The following C6 variants were observed in gnomAD, a reference collection of about 807,000 sequenced individuals.
C6 encodes complement component C6.
Under a neutral mutation model 112.9 loss-of-function variants are expected in C6, and 101 were observed. The observed-to-expected ratio is 0.89, with a 90% CI of 0.76 to 1.06. The LOEUF (loss-of-function observed/expected upper bound fraction) is 1.06. C6 is among the 50% of genes least tolerant of loss of function. C6 has a pLI of 0.00. For missense variants in C6, 1,202 were observed against 1,104.6 expected (o/e 1.09, Z -1.25); for synonymous variants, 431 against 384.1 (o/e 1.12, Z -1.43).
At chr5:41,239,111 CTTTT>C (rs34322889) in intron 1 of C6, among the ~76,000 whole-genome samples, 1 of 121,674 alleles carries the variant, frequency 8.2e-6, no homozygotes, top group Non-Finnish European at 1.7e-5. Flanking sequence ...TCTTTTCTTT[CTTTT>C]TTTTTTTTTT....
chr5:41,191,451 A>T (rs11951782), intron 5 of C6, among the ~76,000 whole-genome samples: 133,872 of 152,250 alleles, frequency 0.88, 58,969 homozygotes, highest in Admixed American at 0.93. Context: ...CTGTAAAGCA[A>T]GTCATTCGTG....
chr5:41,206,283 A>T (rs542760084), intron 1 of C6, among the ~76,000 whole-genome samples: 3 of 152,348 alleles, frequency 2.0e-5, no homozygotes, highest in African/African-American at 7.2e-5. Context: ...AGAGCAGAAA[A>T]GCTGAAAATT....
chr5:41,167,966 A>G (rs1748117762), intron 9 of C6, among the ~76,000 whole-genome samples: 1 of 152,174 alleles, frequency 6.6e-6, no homozygotes. Context: ...TTGTGAGGAA[A>G]AAATTTACCT....
chr5:41,200,891 G>GTTTTTTTTTTTTTTTTTTTTTTTTTTT (rs143443464), intron 3 of C6, among the ~76,000 whole-genome samples: 7 of 70,654 alleles, frequency 9.9e-5, no homozygotes, highest in Middle Eastern at 0.011. Flanking sequence ...TGTTGTTGTT[G>GTTTTTTTTTTTTTTTTTTTTTTTTTTT]TTTTTTTTTT....
chr5:41,178,956 T>C (rs923606066), intron 7 of C6, among the ~76,000 whole-genome samples: 2 of 152,100 alleles, frequency 1.3e-5, no homozygotes, highest in African/African-American at 4.8e-5. Flanking sequence ...CGGGTTCAAG[T>C]GATTCTCCTG....
intron 1 of C6, among the ~76,000 whole-genome samples, chr5:41,234,318 C>G (rs555782847): frequency 2.9e-4 from 43 of 146,124 alleles, no homozygotes; most frequent in African/African-American, 1.1e-3. Flanking sequence ...GTGTGGGATA[C>G]TTTGTTATTC....
chr5:41,151,387 G>T (rs2062972597), intron 15 of C6, among the ~76,000 whole-genome samples: 1 of 152,226 alleles, frequency 6.6e-6, no homozygotes, highest in Middle Eastern at 3.4e-3. Flanking sequence ...TTTCTGATTT[G>T]CATAAAAGAA....
chr5:41,182,399 A>G (rs937069486), intron 6 of C6, among the ~76,000 whole-genome samples: 1 of 152,088 alleles, frequency 6.6e-6, no homozygotes, highest in Non-Finnish European at 1.5e-5. Flanking sequence ...AGACACTGAC[A>G]TCTTAGTATT....
At chr5:41,184,841 G>A (rs957480146) in intron 6 of C6, among the ~76,000 whole-genome samples, 6 of 152,042 alleles carry the variant, frequency 3.9e-5, no homozygotes, top group African/African-American at 9.7e-5. Context: ...GGTTGTTATG[G>A]GAATCAAGTA....
At chr5:41,226,206 G>C (rs11949867) in intron 1 of C6, among the ~76,000 whole-genome samples, 81,162 of 152,022 alleles carry the variant, frequency 0.53, 24,145 homozygotes, top group South Asian at 0.67. Context: ...CTACTCATCT[G>C]ACAAAGGGCT....
At chr5:41,216,313 T>C (rs1752194647), upstream of C6, among the ~76,000 whole-genome samples, 1 of 152,142 alleles carries the variant, frequency 6.6e-6, no homozygotes, top group South Asian at 2.1e-4. Context: ...AATGACCTCT[T>C]CTAAATCCAC....
At chr5:41,172,160 T>C (rs1748472211) in intron 9 of C6, 65 bp downstream of exon 9, 5 of 1,523,248 alleles carry the variant, frequency 3.3e-6, no homozygotes, top group East Asian at 4.5e-5. Flanking sequence ...ACATCCAATA[T>C]GGTCTGTAAA....
chr5:41,173,112 C>A (rs1366308792), intron 8 of C6, among the ~76,000 whole-genome samples: 1 of 152,186 alleles, frequency 6.6e-6, no homozygotes, highest in Non-Finnish European at 1.5e-5. Flanking sequence ...GCCACATTCT[C>A]ACCCCATTCA....
intron 5 of C6, among the ~76,000 whole-genome samples, chr5:41,187,406 G>A (rs1461139224): frequency 2.6e-5 from 4 of 151,956 alleles, no homozygotes; most frequent in Admixed American, 1.3e-4. Context: ...CTATCACAAA[G>A]ATCTGAAAAA....
chr5:41,200,383 C>T (rs1030230293), intron 3 of C6, among the ~76,000 whole-genome samples: 6 of 151,866 alleles, frequency 4.0e-5, no homozygotes, highest in East Asian at 3.9e-4. Context: ...TTTTAAATGG[C>T]GAGTAGTAAA....
chr5:41,246,558 A>AGCAC (rs1324896084), intron 1 of C6, among the ~76,000 whole-genome samples: 3 of 152,238 alleles, frequency 2.0e-5, no homozygotes, highest in African/African-American at 7.2e-5. Context: ...TCAGCGTGAC[A>AGCAC]GCACAGTCAT....
At chr5:41,223,014 T>C (rs1378193504) in intron 1 of C6, among the ~76,000 whole-genome samples, 1 of 152,234 alleles carries the variant, frequency 6.6e-6, no homozygotes, top group African/African-American at 2.4e-5. Context: ...CTATTGTAAA[T>C]AAAACCTTCC....
At chr5:41,178,499 C>T (rs1749052285) in intron 7 of C6, among the ~76,000 whole-genome samples, 1 of 8,952 alleles carries the variant, frequency 1.1e-4, no homozygotes, top group South Asian at 3.3e-3. Context: ...GAGATGGAGA[C>T]AGAGCTAGCT....
At chr5:41,253,033 A>G (rs1741461353) in intron 1 of C6, among the ~76,000 whole-genome samples, 2 of 152,208 alleles carry the variant, frequency 1.3e-5, no homozygotes, top group African/African-American at 4.8e-5. Context: ...TATTTGAGTC[A>G]TATTTGGCTC....
Sources: gnomAD v4.1 joint callset for allele counts (sites outside exome capture counted in the v4.1 genomes callset) on GRCh38, gnomAD v4.1.1 for gene constraint, MANE v1.5 for transcripts, NCBI Gene and HGNC (gene_info 2026-07-23, HGNC 2026-07-21) for gene names.